The following METTL15 variants were observed in gnomAD, a reference collection of about 807,000 sequenced individuals.
METTL15 encodes 12S rRNA N(4)-cytidine methyltransferase METTL15.
In METTL15, 34 loss-of-function variants were observed where a neutral mutation model predicts 38.3. That is an observed-to-expected ratio of 0.89 (90% CI 0.68 to 1.18). METTL15 has a LOEUF of 1.18. Ranked by LOEUF, METTL15 falls within the 50% of genes most tolerant of loss-of-function variation. The probability of loss-of-function intolerance (pLI) is 0.00; values close to 1 mark genes in which losing one functional copy is unlikely to be tolerated. For missense variants in METTL15, 438 were observed against 498.4 expected (o/e 0.88, Z 1.15); for synonymous variants, 162 against 170.9 (o/e 0.95, Z 0.41).
At chr11:28,397,503 G>A (rs1464672101) in intron 5 of METTL15, among the ~76,000 whole-genome samples, 3 of 152,028 alleles carry the variant, frequency 2.0e-5, no homozygotes, top group Non-Finnish European at 2.9e-5. Flanking sequence ...CATCATCACT[G>A]GCCATCAGAG....
At chr11:28,430,666 C>A (rs1285506674) in intron 6 of METTL15, among the ~76,000 whole-genome samples, 1 of 96,044 alleles carries the variant, frequency 1.0e-5, no homozygotes, top group African/African-American at 4.1e-5. Flanking sequence ...GCCCGGCCAC[C>A]CCTACTGGGA....
chr11:28,172,055 C>T (rs1026042599), intron 3 of METTL15, among the ~76,000 whole-genome samples: 1 of 152,122 alleles, frequency 6.6e-6, no homozygotes, highest in Non-Finnish European at 1.5e-5. Flanking sequence ...CCTGTCTCAG[C>T]CTTCCGAAGT....
In METTL15 at chr11:28,322,352, G is replaced by A. The variant is rs895009081; in HGVS notation, c.779-8044G>A. 9.9e-4 allele frequency among the ~76,000 whole-genome samples: 150 copies of A among 152,040 alleles called. 1 individual carries two copies. Among genetic ancestry groups the A allele is most frequent in the African/African-American group, 3.5e-3 (145 of 41,426 alleles). On this transcript the variant is annotated intron_variant, in intron 6 of 6. Transcript: ENST00000407364. ...AGACCAACATCACATCAGGAAAATG[G>A]ATAAAGGATTTGTTCAAGCAATTTC...
chr11:28,507,737 A>G (rs1249632073), intron 6 of METTL15, among the ~76,000 whole-genome samples: 1 of 151,932 alleles, frequency 6.6e-6, no homozygotes, highest in African/African-American at 2.4e-5. Flanking sequence ...TGTTTTCTTC[A>G]TATCTAATCA....
chr11:28,525,443 A>G (rs1488226580), intron 6 of METTL15, among the ~76,000 whole-genome samples: 3 of 152,156 alleles, frequency 2.0e-5, no homozygotes, highest in Admixed American at 6.5e-5. Context: ...CTAGACACAG[A>G]GTGCTGATTG....
chr11:28,374,785 T>G (rs1296203457), intron 5 of METTL15, among the ~76,000 whole-genome samples: 1 of 151,146 alleles, frequency 6.6e-6, no homozygotes, highest in East Asian at 1.9e-4. Context: ...CCATTCAGTA[T>G]GGTATTGGCT....
intron 4 of METTL15, among the ~76,000 whole-genome samples, chr11:28,235,470 C>G (rs1442495560): frequency 1.3e-5 from 2 of 152,064 alleles, no homozygotes; most frequent in Admixed American, 6.5e-5. Flanking sequence ...TTTGTATCCT[C>G]TTTTATTTCC....
chr11:28,392,656 G>T (rs986112613), intron 5 of METTL15, among the ~76,000 whole-genome samples: 1 of 151,998 alleles, frequency 6.6e-6, no homozygotes, highest in Non-Finnish European at 1.5e-5. Context: ...GCAGACAAAT[G>T]GTACTATATC....
intron 6 of METTL15, among the ~76,000 whole-genome samples, chr11:28,468,232 A>G (rs1851273867): frequency 1.3e-5 from 2 of 152,202 alleles, no homozygotes. Context: ...AAATGAGGAA[A>G]TTAAACTACA....
intron 6 of METTL15, among the ~76,000 whole-genome samples, chr11:28,524,627 A>G (rs529575963): frequency 6.6e-6 from 1 of 152,204 alleles, no homozygotes; most frequent in Non-Finnish European, 1.5e-5. Context: ...TGGAAATTGC[A>G]TTTAAACTGA....
chr11:28,186,766 A>AT (rs200408958), intron 3 of METTL15, among the ~76,000 whole-genome samples: 241 of 150,580 alleles, frequency 1.6e-3, no homozygotes, highest in Non-Finnish European at 2.6e-3. Flanking sequence ...GTAATATAAC[A>AT]TTTTTTTTTA....
intron 4 of METTL15, among the ~76,000 whole-genome samples, chr11:28,217,263 G>A (rs1852931099): frequency 6.6e-6 from 1 of 152,084 alleles, no homozygotes; most frequent in African/African-American, 2.4e-5. Context: ...TCTAACTGGT[G>A]TGAGATGGTA....
At chr11:28,289,699 C>T (rs1304611530) in intron 4 of METTL15, among the ~76,000 whole-genome samples, 1 of 152,092 alleles carries the variant, frequency 6.6e-6, no homozygotes, top group Non-Finnish European at 1.5e-5. Flanking sequence ...AGTTTCATTC[C>T]TCAAGTTTAT....
intron 4 of METTL15, among the ~76,000 whole-genome samples, chr11:28,279,222 A>G (rs1362573802): frequency 6.6e-6 from 1 of 152,068 alleles, no homozygotes; most frequent in Non-Finnish European, 1.5e-5. Flanking sequence ...TAACTCTACC[A>G]TCTTTCCTTT....
intron 3 of METTL15, chr11:28,123,850 C>A: frequency 6.9e-7 from 1 of 1,439,162 alleles, no homozygotes; most frequent in Non-Finnish European, 9.3e-7. Flanking sequence ...ATGTATTTTT[C>A]TTTCTGGCAA....
intron 5 of METTL15, among the ~76,000 whole-genome samples, chr11:28,401,908 A>G (rs945064301): frequency 1.3e-5 from 2 of 152,030 alleles, no homozygotes; most frequent in Non-Finnish European, 2.9e-5. Flanking sequence ...GTTAAGCTAC[A>G]AAAGTGTACC....
chr11:28,428,074 T>A (rs1590370778), intron 6 of METTL15, among the ~76,000 whole-genome samples: 1 of 152,198 alleles, frequency 6.6e-6, no homozygotes, highest in East Asian at 1.9e-4. Context: ...AATAGTACAA[T>A]AATTAAATGC....
In METTL15 at chr11:28,152,967, G is replaced by A. The variant is rs117137389; in HGVS notation, c.270+39363G>A. 5.3e-3 allele frequency among the ~76,000 whole-genome samples: 813 copies of A among 152,060 alleles called. 2 individuals carry two copies. The highest frequency in any genetic ancestry group is 6.7e-3 in the Non-Finnish European group (458 of 67,948). ...AGACCATATAGGGTAACTTCATGAC[G>A]TTGCCATGGCATTTGCAAACTGTCA... On this transcript the variant is annotated intron_variant, in intron 3 of 6. Transcript: ENST00000407364.
chr11:28,184,216 G>A (rs888766678), intron 3 of METTL15, among the ~76,000 whole-genome samples: 1 of 151,932 alleles, frequency 6.6e-6, no homozygotes, highest in Non-Finnish European at 1.5e-5. Flanking sequence ...CCAGCTTCTG[G>A]ATTCGTTGAT....
Sources: gnomAD v4.1 joint callset for allele counts (sites outside exome capture counted in the v4.1 genomes callset) on GRCh38, gnomAD v4.1.1 for gene constraint, MANE v1.5 for transcripts, NCBI Gene and HGNC (gene_info 2026-07-23, HGNC 2026-07-21) for gene names.